Variants in PITPNC1 observed in about 807,000 individuals in gnomAD.
PITPNC1 encodes the protein cytoplasmic phosphatidylinositol transfer protein 1.
In PITPNC1, 18 loss-of-function variants were observed where a neutral mutation model predicts 44.7. That is an observed-to-expected ratio of 0.40 (90% confidence interval 0.28 to 0.60). The LOEUF is 0.60. PITPNC1 is among the 20% of genes least tolerant of loss of function. The pLI, the probability that PITPNC1 is intolerant of heterozygous loss-of-function variation, is 0.39. For synonymous variants in PITPNC1, 141 were observed against 149.6 expected (o/e 0.94, Z 0.42); for missense variants, 290 against 418.4 (o/e 0.69, Z 2.68).
intron 1 of PITPNC1, among the ~76,000 whole-genome samples, chr17:67,390,588 G>A (rs1014525887): frequency 5.3e-5 from 8 of 152,210 alleles, no homozygotes; most frequent in Non-Finnish European, 1.5e-5. Context: ...TTGTCTGGCA[G>A]ATGTCCTTAA....
intron 2 of PITPNC1, among the ~76,000 whole-genome samples, chr17:67,535,801 C>T (rs149473500): frequency 1.5e-3 from 235 of 152,290 alleles, no homozygotes; most frequent in African/African-American, 5.2e-3. Context: ...GGAAAGCAGA[C>T]CCGTTAATGC....
Position 67,681,978 on chromosome 17 carries a change from A to G in PITPNC1, c.682+6436A>G, listed in dbSNP as rs1013725488. On this transcript the variant is annotated intron_variant, in intron 8 of 8. Transcript: ENST00000581322. ...TTTGGGAGACCGAGGCAGGCAGATC[A>G]CCTTAGGTCAGGAGTTCAAGACCAG... is the stretch of plus-strand genomic sequence containing the variant. Among the ~76,000 whole-genome samples the G allele has an allele frequency of 4.6e-5, 7 of 152,102 alleles. 1 individual carries two copies. Among genetic ancestry groups the G allele is most frequent in the Admixed American group, 1.3e-4 (2 of 15,262 alleles).
intron 1 of PITPNC1, among the ~76,000 whole-genome samples, chr17:67,439,889 TAAAG>T (rs1248187452): frequency 2.0e-5 from 3 of 151,884 alleles, no homozygotes; most frequent in African/African-American, 7.3e-5. Flanking sequence ...AGGAAAAAGA[TAAAG>T]AAAAACAAAC....
intron 6 of PITPNC1, among the ~76,000 whole-genome samples, chr17:67,658,481 G>A (rs1357700326): frequency 2.0e-5 from 3 of 152,126 alleles, no homozygotes; most frequent in Admixed American, 2.0e-4. Context: ...TTCCCACTTT[G>A]GGATAGGTAA....
chr17:67,623,598 G>C (rs1257261124), intron 5 of PITPNC1, among the ~76,000 whole-genome samples: 3 of 152,126 alleles, frequency 2.0e-5, no homozygotes, highest in Admixed American at 2.0e-4. Flanking sequence ...TGACCAGGCT[G>C]GTCTGGAACT....
At chr17:67,444,970 C>T (rs578220962) in intron 1 of PITPNC1, among the ~76,000 whole-genome samples, 1 of 151,566 alleles carries the variant, frequency 6.6e-6, no homozygotes, top group South Asian at 2.1e-4. Flanking sequence ...AGAGTGATTA[C>T]CCATATCCTA....
chr17:67,410,541 G>A (rs921203825), intron 1 of PITPNC1, among the ~76,000 whole-genome samples: 5 of 151,896 alleles, frequency 3.3e-5, no homozygotes, highest in African/African-American at 9.7e-5. Context: ...GCACTGCCAT[G>A]CCCAGCTAAT....
Position 67,474,319 on chromosome 17 carries a change from G to A in PITPNC1, c.49-58483G>A, listed in dbSNP as rs576113663. On this transcript the variant is annotated intron_variant, in intron 1 of 8. Transcript: ENST00000581322. ...TAGCTTTTGTCTTCTCCGTCAAGAT[G>A]TTTTCTGTGACGACAATGGGAAGTT... Among the ~76,000 whole-genome samples the A allele has an allele frequency of 6.6e-4, 101 of 152,352 alleles. 1 individual carries two copies. The highest frequency in any genetic ancestry group is 2.3e-3 in the African/African-American group (97 of 41,572).
At chr17:67,434,980 G>A (rs1437698934) in intron 1 of PITPNC1, among the ~76,000 whole-genome samples, 2 of 149,534 alleles carry the variant, frequency 1.3e-5, no homozygotes, top group African/African-American at 4.9e-5. Flanking sequence ...ATGGTGGCGG[G>A]CACCTGTAGT....
chr17:67,379,522 C>T, intron 1 of PITPNC1: 1 of 279,912 alleles, frequency 3.6e-6, no homozygotes, highest in Non-Finnish European at 5.4e-6. Flanking sequence ...TTTTGGAGTT[C>T]GTTGGCATTT....
intron 1 of PITPNC1, among the ~76,000 whole-genome samples, chr17:67,514,722 T>G (rs1568022137): frequency 6.6e-6 from 1 of 151,918 alleles, no homozygotes; most frequent in Non-Finnish European, 1.5e-5. Context: ...GCTACTCTGG[T>G]GGCTGAGGCA....
intron 7 of PITPNC1, among the ~76,000 whole-genome samples, chr17:67,673,487 C>T (rs2042546872): frequency 6.6e-6 from 1 of 152,130 alleles, no homozygotes. Flanking sequence ...CAATTTCATC[C>T]TTTTTGTGTC....
At chr17:67,585,285 G>T (rs2041298390) in intron 5 of PITPNC1, among the ~76,000 whole-genome samples, 1 of 152,122 alleles carries the variant, frequency 6.6e-6, no homozygotes, top group Non-Finnish European at 1.5e-5. Context: ...GGTCAGAAAG[G>T]CCCCTCAGAA....
intron 8 of PITPNC1, 93 bp from the exon 9 acceptor site, chr17:67,692,479 C>A: frequency 1.2e-6 from 1 of 865,594 alleles, no homozygotes; most frequent in Non-Finnish European, 1.9e-6. Flanking sequence ...TGATAGGGTT[C>A]CCATAGTTCC....
chr17:67,571,185 C>A (rs568427833), intron 4 of PITPNC1, among the ~76,000 whole-genome samples: 30 of 152,154 alleles, frequency 2.0e-4, no homozygotes, highest in Non-Finnish European at 4.0e-4. Flanking sequence ...AATACCAGCA[C>A]TTTAGGAGGC....
At chr17:67,541,729 A>G (rs964242219) in intron 2 of PITPNC1, among the ~76,000 whole-genome samples, 4 of 152,186 alleles carry the variant, frequency 2.6e-5, no homozygotes, top group Non-Finnish European at 5.9e-5. Flanking sequence ...GAAACCAAGG[A>G]TATTTAACCC....
chr17:67,528,488 T>A (rs1448670267), intron 1 of PITPNC1, among the ~76,000 whole-genome samples: 1 of 152,266 alleles, frequency 6.6e-6, no homozygotes, highest in African/African-American at 2.4e-5. Flanking sequence ...TTAGAATCTT[T>A]CTATGTCTTT....
intron 1 of PITPNC1, among the ~76,000 whole-genome samples, chr17:67,481,777 TA>T (rs3052405): frequency 1.1e-3 from 164 of 146,232 alleles, no homozygotes; most frequent in Middle Eastern, 7.0e-3. Context: ...TTTGAAGATT[TA>T]AAAAAAAAAA....
intron 4 of PITPNC1, among the ~76,000 whole-genome samples, chr17:67,557,943 G>T (rs868860548): frequency 6.6e-6 from 1 of 152,132 alleles, no homozygotes; most frequent in Non-Finnish European, 1.5e-5. Context: ...TTAGGATCAC[G>T]GTGCCCTTCC....
Sources: allele counts gnomAD v4.1 joint callset (sites outside exome capture counted in the v4.1 genomes callset), GRCh38; gene constraint gnomAD v4.1.1; transcripts MANE v1.5; gene names NCBI Gene and HGNC (gene_info 2026-07-23, HGNC 2026-07-21).